Variants in LRRC4C observed in about 807,000 individuals in gnomAD.
LRRC4C encodes the protein leucine-rich repeat-containing protein 4C.
In LRRC4C, 5 loss-of-function variants were observed where a neutral mutation model predicts 33.6. That is an observed-to-expected ratio of 0.15 (90% CI 0.08 to 0.31). The LOEUF (loss-of-function observed/expected upper bound fraction) is 0.31. LRRC4C is among the 10% of genes least tolerant of loss of function. The probability of loss-of-function intolerance (pLI) is 1.00; values close to 1 mark genes in which losing one functional copy is unlikely to be tolerated. For synonymous variants in LRRC4C, 329 were observed against 302.0 expected (o/e 1.09, Z -0.93); for missense variants, 560 against 796.7 (o/e 0.70, Z 3.58).
chr11:40,564,423 T>A (rs1203939356), intron 3 of LRRC4C, among the ~76,000 whole-genome samples: 2 of 152,164 alleles, frequency 1.3e-5, no homozygotes, highest in Non-Finnish European at 2.9e-5. Context: ...ATTCATCCAG[T>A]CCATCGTAAA....
intron 3 of LRRC4C, among the ~76,000 whole-genome samples, chr11:40,612,001 A>G (rs552052178): frequency 3.9e-5 from 6 of 152,010 alleles, no homozygotes; most frequent in African/African-American, 1.4e-4. Flanking sequence ...AATACTAAAA[A>G]TAAAACGACC....
chr11:40,767,502 T>A lies in LRRC4C; in HGVS notation c.-406-119224A>T, dbSNP rs560790538. Among the ~76,000 whole-genome samples the A allele has an allele frequency of 5.3e-5, 8 of 152,244 alleles. No individual in the cohort carries two copies. The South Asian group carries it at 1.7e-3, about 32-fold the overall frequency. The stretch of plus-strand genomic sequence containing the variant: ...AAAAGATATTTACAGAAGGTTTTAT[T>A]CATTAGCTGAGGAATATACATACTT... On this transcript the variant is annotated intron_variant, in intron 2 of 6. Transcript: ENST00000528697.
At chr11:41,295,346 C>G (rs565487199) in intron 1 of LRRC4C, among the ~76,000 whole-genome samples, 1 of 151,800 alleles carries the variant, frequency 6.6e-6, no homozygotes, top group South Asian at 2.1e-4. Flanking sequence ...ATACAATATG[C>G]GGTAAAAAAA....
At chr11:40,525,484 C>A (rs1443592798) in intron 3 of LRRC4C, among the ~76,000 whole-genome samples, 2 of 151,786 alleles carry the variant, frequency 1.3e-5, no homozygotes, top group Admixed American at 6.6e-5. Flanking sequence ...TGGAGGGCAA[C>A]CCCACAATTT....
intron 1 of LRRC4C, among the ~76,000 whole-genome samples, chr11:41,120,645 G>T (rs72892626): frequency 2.6e-5 from 4 of 152,142 alleles, no homozygotes; most frequent in African/African-American, 9.7e-5. Context: ...AGCTCTCAAT[G>T]AGTTCTTGTA....
intron 2 of LRRC4C, among the ~76,000 whole-genome samples, chr11:40,698,831 C>G (rs1356154615): frequency 6.6e-6 from 1 of 152,026 alleles, no homozygotes; most frequent in Non-Finnish European, 1.5e-5. Context: ...AAGGGGAAAC[C>G]CTTTATAAAA....
At chr11:40,155,725 C>CA (rs200279956) in intron 5 of LRRC4C, among the ~76,000 whole-genome samples, 2,679 of 151,726 alleles carry the variant, frequency 0.018, 79 homozygotes, top group African/African-American at 0.06. Context: ...ATATTACCAA[C>CA]AAAAAAAAGT....
intron 1 of LRRC4C, among the ~76,000 whole-genome samples, chr11:41,326,656 A>T (rs1456872559): frequency 6.6e-6 from 1 of 152,192 alleles, no homozygotes; most frequent in African/African-American, 2.4e-5. Flanking sequence ...TTCCAAACAA[A>T]ATTGGTTTTC....
intron 3 of LRRC4C, among the ~76,000 whole-genome samples, chr11:40,534,476 T>G (rs1956394773): frequency 6.6e-6 from 1 of 152,264 alleles, no homozygotes; most frequent in Non-Finnish European, 1.5e-5. Context: ...TCAGAAGCCT[T>G]GTTTGCCTGC....
chr11:41,254,496 C>T (rs1467599109), intron 1 of LRRC4C, among the ~76,000 whole-genome samples: 1 of 152,034 alleles, frequency 6.6e-6, no homozygotes, highest in Non-Finnish European at 1.5e-5. Flanking sequence ...AAGAGAAATA[C>T]ATCCTTTGTG....
chr11:40,735,708 G>T (rs2136842533), intron 2 of LRRC4C, among the ~76,000 whole-genome samples: 1 of 146,500 alleles, frequency 6.8e-6, no homozygotes, highest in African/African-American at 2.5e-5. Flanking sequence ...GGTATTTCTA[G>T]TTCTAGATCC....
chr11:41,404,563 C>CACACACACA (rs1555166456), intron 1 of LRRC4C, among the ~76,000 whole-genome samples: 1 of 80,084 alleles, frequency 1.2e-5, no homozygotes, highest in African/African-American at 5.6e-5. Context: ...CACACACACA[C>CACACACACA]CCCCCGAGGT....
intron 2 of LRRC4C, among the ~76,000 whole-genome samples, chr11:40,870,151 G>A (rs1473041103): frequency 2.0e-5 from 3 of 152,068 alleles, no homozygotes; most frequent in Admixed American, 1.3e-4. Flanking sequence ...AAAACAACAA[G>A]CCATGTGGAG....
intron 1 of LRRC4C, among the ~76,000 whole-genome samples, chr11:41,112,906 G>A (rs1941920714): frequency 6.6e-6 from 1 of 152,052 alleles, no homozygotes. Flanking sequence ...GTGTGTGTGT[G>A]TGCACGTGTA....
At chr11:40,322,256 T>C (rs1268415732) in intron 3 of LRRC4C, among the ~76,000 whole-genome samples, 1 of 152,082 alleles carries the variant, frequency 6.6e-6, no homozygotes, top group Non-Finnish European at 1.5e-5. Context: ...ATTCACTTTT[T>C]TTTTTCTGAG....
In LRRC4C at chr11:40,114,797, C is replaced by T; in HGVS notation, c.1496G>A (p.Arg499Lys). The T allele has an allele frequency of 1.2e-6, 2 of 1,614,102 alleles. No individual in the cohort carries two copies. Among genetic ancestry groups the T allele is most frequent in the Non-Finnish European group, 8.5e-7 (1 of 1,180,022 alleles). The part of the protein sequence containing the change: ...VTTSLTPQST[R>K]STEKTFTIPV... Reference sequence around the variant, plus strand: ...GATGGTGAAGGTTTTCTCTGTCGACCTTGTGCTCTGTGGTGTGAGAGAGGT... The same window carrying T: ...GATGGTGAAGGTTTTCTCTGTCGACTTTGTGCTCTGTGGTGTGAGAGAGGT... The change falls in exon 7 of 7, where the codon AGG (arginine) becomes AAG (lysine). Residue 499 changes from arginine to lysine, a missense_variant. Transcript: ENST00000528697.
intron 1 of LRRC4C, among the ~76,000 whole-genome samples, chr11:41,411,350 G>C (rs555362531): frequency 3.3e-5 from 5 of 151,032 alleles, no homozygotes; most frequent in Admixed American, 2.0e-4. Context: ...GGGTTTCACC[G>C]TGTTAGCCAG....
intron 2 of LRRC4C, among the ~76,000 whole-genome samples, chr11:40,652,439 A>G (rs1028083861): frequency 5.3e-5 from 8 of 152,222 alleles, no homozygotes; most frequent in African/African-American, 1.9e-4. Context: ...ATTATCTTCT[A>G]ATTCTTCAAG....
chr11:40,801,628 C>A (rs1951046260), intron 2 of LRRC4C, among the ~76,000 whole-genome samples: 2 of 152,008 alleles, frequency 1.3e-5, no homozygotes, highest in South Asian at 4.2e-4. Flanking sequence ...TTGTTAATAC[C>A]ATCTATGTTT....
Sources: gnomAD v4.1 joint callset for allele counts (sites outside exome capture counted in the v4.1 genomes callset) on GRCh38, gnomAD v4.1.1 for gene constraint, MANE v1.5 for transcripts, NCBI Gene and HGNC (gene_info 2026-07-23, HGNC 2026-07-21) for gene names.